Variants in ZRANB3 observed in about 807,000 individuals in gnomAD.
The protein encoded by ZRANB3 is DNA annealing helicase and endonuclease ZRANB3.
Under a neutral mutation model 133.8 loss-of-function variants are expected in ZRANB3, and 125 were observed. That is an observed-to-expected ratio of 0.93 (90% CI 0.81 to 1.08). The LOEUF (loss-of-function observed/expected upper bound fraction) is 1.08. ZRANB3 is among the 50% of genes least tolerant of loss of function. The pLI, the probability that ZRANB3 is intolerant of heterozygous loss-of-function variation, is 0.00. For missense variants in ZRANB3, 1,229 were observed against 1,275.5 expected (o/e 0.96, Z 0.56); for synonymous variants, 387 against 432.7 (o/e 0.89, Z 1.31).
At chr2:135,264,483 A>G (rs1447199920) in intron 12 of ZRANB3, among the ~76,000 whole-genome samples, 14 of 151,652 alleles carry the variant, frequency 9.2e-5, no homozygotes, top group East Asian at 1.9e-4. Context: ...AAAAAAAAAA[A>G]AAAAGAAAAG....
chr2:135,304,131 A>G (rs1682571806), intron 8 of ZRANB3, among the ~76,000 whole-genome samples: 1 of 152,196 alleles, frequency 6.6e-6, no homozygotes, highest in Non-Finnish European at 1.5e-5. Flanking sequence ...CAGAACCAGA[A>G]CAATGTTAAA....
At chr2:135,408,850 A>G (rs1274706454) in intron 2 of ZRANB3, among the ~76,000 whole-genome samples, 1 of 152,132 alleles carries the variant, frequency 6.6e-6, no homozygotes, top group Non-Finnish European at 1.5e-5. Context: ...GGGGAGGGAT[A>G]GCATTTGGAG....
At position 135,493,733 on chromosome 2, in the gene ZRANB3, G is replaced by A. The variant is rs190189372; in HGVS notation, c.161+10596C>T. Among the ~76,000 whole-genome samples, 359 of 152,146 alleles carry A rather than the reference G, an allele frequency of 2.4e-3. 4 individuals carry two copies. In the South Asian group the frequency reaches 0.05, roughly 21 times the overall value. ...ATTGTTGACAGATGGGAAAAAGTTGGACAGTTTTTAAATAAAGTTAAAGCA... is the reference window on the plus strand; with the variant it reads ...ATTGTTGACAGATGGGAAAAAGTTGAACAGTTTTTAAATAAAGTTAAAGCA... On this transcript the variant is annotated intron_variant, in intron 2 of 20. Coordinates refer to ENST00000264159, the MANE Select transcript of ZRANB3 (RefSeq NM_032143.4).
At chr2:135,273,914 A>G (rs1045413320) in intron 9 of ZRANB3, among the ~76,000 whole-genome samples, 9 of 152,190 alleles carry the variant, frequency 5.9e-5, no homozygotes, top group Admixed American at 5.9e-4. Context: ...AGAAAAAAAG[A>G]CTATTATACT....
intron 8 of ZRANB3, among the ~76,000 whole-genome samples, chr2:135,287,913 G>C (rs1423550941): frequency 2.0e-5 from 3 of 151,984 alleles, no homozygotes; most frequent in African/African-American, 4.8e-5. Context: ...TGCTGACATG[G>C]ATGCCCTTTA....
At chr2:135,519,246 G>C (rs1193526711) in intron 1 of ZRANB3, among the ~76,000 whole-genome samples, 2 of 152,130 alleles carry the variant, frequency 1.3e-5, no homozygotes. Context: ...GTTACCACTG[G>C]AGGAAACTAG....
chr2:135,328,877 G>C (rs552586780), intron 6 of ZRANB3, among the ~76,000 whole-genome samples: 26 of 152,276 alleles, frequency 1.7e-4, no homozygotes, highest in Admixed American at 1.2e-3. Flanking sequence ...AGAAGTGTCT[G>C]TTCATATCCT....
chr2:135,293,456 A>C (rs1681870328), intron 8 of ZRANB3, among the ~76,000 whole-genome samples: 1 of 152,078 alleles, frequency 6.6e-6, no homozygotes, highest in African/African-American at 2.4e-5. Flanking sequence ...GTATCCTGAG[A>C]CTTTGCTGAA....
intron 2 of ZRANB3, among the ~76,000 whole-genome samples, chr2:135,486,595 A>G (rs1574185148): frequency 1.3e-5 from 2 of 151,476 alleles, no homozygotes; most frequent in Non-Finnish European, 1.5e-5. Flanking sequence ...GCTCACTGCA[A>G]CCTCCACTCC....
intron 2 of ZRANB3, among the ~76,000 whole-genome samples, chr2:135,455,346 G>C (rs186890830): frequency 3.3e-5 from 5 of 151,070 alleles, no homozygotes; most frequent in African/African-American, 1.2e-4. Context: ...GTGCCACCAC[G>C]CCTGGCTAAT....
intron 6 of ZRANB3, among the ~76,000 whole-genome samples, chr2:135,341,302 G>T (rs1178047037): frequency 6.7e-6 from 1 of 149,930 alleles, no homozygotes; most frequent in Non-Finnish European, 1.5e-5. Flanking sequence ...CAAACAGAGG[G>T]ACTGGCTGAA....
At chr2:135,413,782 A>G (rs1178166497) in intron 2 of ZRANB3, among the ~76,000 whole-genome samples, 2 of 152,184 alleles carry the variant, frequency 1.3e-5, no homozygotes, top group Non-Finnish European at 2.9e-5. Flanking sequence ...ACAAGCCAGA[A>G]GAGAGTGGGG....
chr2:135,377,709 GAAT>G (rs1468943193), intron 3 of ZRANB3, among the ~76,000 whole-genome samples: 1 of 152,184 alleles, frequency 6.6e-6, no homozygotes, highest in Admixed American at 6.5e-5. Flanking sequence ...ATAAATGAAT[GAAT>G]GAATTCCAAA....
At position 135,414,532 on chromosome 2, in the gene ZRANB3, C is replaced by T. The variant is rs1245255878; in HGVS notation, c.162-23712G>A. Among the ~76,000 whole-genome samples the T allele has an allele frequency of 6.6e-5, 10 of 152,160 alleles. No homozygotes were observed. The East Asian group carries it at 1.2e-3, about 18-fold the overall frequency. ...AGACTTTAACACCCCACTGTCAACA[C>T]TAGACAGCTCAATGAGACAGAAAGT... On this transcript the variant is annotated intron_variant, in intron 2 of 20. Coordinates refer to ENST00000264159, the MANE Select transcript of ZRANB3 (RefSeq NM_032143.4).
At chr2:135,463,906 C>T (rs1690874166) in intron 2 of ZRANB3, among the ~76,000 whole-genome samples, 1 of 152,062 alleles carries the variant, frequency 6.6e-6, no homozygotes, top group South Asian at 2.1e-4. Context: ...GTACATTGAC[C>T]CTGAAGGGAA....
chr2:135,338,179 A>C (rs1350355891), intron 6 of ZRANB3, among the ~76,000 whole-genome samples: 1 of 151,658 alleles, frequency 6.6e-6, no homozygotes, highest in Non-Finnish European at 1.5e-5. Flanking sequence ...TCTAGCATAC[A>C]AAAAAAACCC....
chr2:135,329,660 T>G (rs1374585144), intron 6 of ZRANB3, among the ~76,000 whole-genome samples: 5 of 152,230 alleles, frequency 3.3e-5, no homozygotes, highest in African/African-American at 4.8e-5. Context: ...AGTATGGCCA[T>G]TTTCATGATA....
At chr2:135,257,122 A>G (rs189285930) in intron 12 of ZRANB3, among the ~76,000 whole-genome samples, 2 of 152,312 alleles carry the variant, frequency 1.3e-5, no homozygotes, top group East Asian at 3.9e-4. Context: ...TCAAGGAATA[A>G]CCATAAGCAT....
intron 1 of ZRANB3, among the ~76,000 whole-genome samples, chr2:135,516,423 T>C (rs1693701936): frequency 6.6e-6 from 1 of 152,228 alleles, no homozygotes; most frequent in Non-Finnish European, 1.5e-5. Flanking sequence ...CCTTTCCATG[T>C]TTAGTGCTTC....
Sources: allele counts gnomAD v4.1 joint callset (sites outside exome capture counted in the v4.1 genomes callset), GRCh38; gene constraint gnomAD v4.1.1; transcripts MANE v1.5; gene names NCBI Gene and HGNC (gene_info 2026-07-23, HGNC 2026-07-21).